Variants in DCC observed in about 807,000 individuals in gnomAD.
DCC encodes DCC netrin 1 receptor.
A neutral mutation model predicts 172.5 loss-of-function variants in DCC; 58 were observed. The observed-to-expected ratio is 0.34, with a 90% CI of 0.27 to 0.42. The LOEUF (loss-of-function observed/expected upper bound fraction) is 0.42, where lower values mean the gene tolerates loss of function less well. Among genes scored for constraint, DCC ranks in the 10% least tolerant of loss-of-function variants. The probability of loss-of-function intolerance (pLI) is 1.00; values close to 1 mark genes in which losing one functional copy is unlikely to be tolerated. For missense variants in DCC, 1,740 were observed against 1,791.0 expected (o/e 0.97, Z 0.51); for synonymous variants, 709 against 644.5 (o/e 1.10, Z -1.52).
rs946875456 is a variant in DCC at position 53,155,714 on chromosome 18, T to C, written c.1262-1642T>C. Among the ~76,000 whole-genome samples the C allele has an allele frequency of 3.9e-5, 6 of 152,214 alleles. No homozygotes were observed. The East Asian group carries it at 7.7e-4, about 20-fold the overall frequency. On this transcript the variant is annotated intron_variant, in intron 7 of 28. Coordinates refer to ENST00000442544, the MANE Select transcript of DCC (RefSeq NM_005215.4). ...ATTTTCTATGGTCTTAAAAAATACA[T>C]AAATAAACCACTTCAAATTGTTTCC...
At chr18:52,527,307 C>T (rs774470106) in intron 1 of DCC, among the ~76,000 whole-genome samples, 38 of 152,284 alleles carry the variant, frequency 2.5e-4, no homozygotes, top group Non-Finnish European at 5.0e-4. Flanking sequence ...AAGAAACAAA[C>T]ATAGCCTTTT....
chr18:53,194,543 C>T (rs2055415655), intron 9 of DCC, among the ~76,000 whole-genome samples: 1 of 152,012 alleles, frequency 6.6e-6, no homozygotes, highest in Non-Finnish European at 1.5e-5. Flanking sequence ...AATCTTGGCT[C>T]ACTGCAACCT....
At chr18:52,637,821 C>T (rs184478002) in intron 1 of DCC, among the ~76,000 whole-genome samples, 10 of 152,152 alleles carry the variant, frequency 6.6e-5, no homozygotes, top group Non-Finnish European at 1.2e-4. Context: ...AAAGAACACC[C>T]GAGAAATTCA....
intron 7 of DCC, among the ~76,000 whole-genome samples, chr18:53,140,639 G>A (rs146980929): frequency 2.2e-3 from 329 of 152,112 alleles, no homozygotes; most frequent in African/African-American, 7.7e-3. Flanking sequence ...GAAATATGCC[G>A]AAGTAGGGAC....
intron 1 of DCC, among the ~76,000 whole-genome samples, chr18:52,716,006 T>C (rs1038757676): frequency 3.3e-5 from 5 of 152,038 alleles, no homozygotes; most frequent in African/African-American, 9.7e-5. Context: ...TGCCTCTGTT[T>C]CCTCATCTGT....
At position 53,305,731 on chromosome 18, in the gene DCC, C is replaced by T. The variant is rs772781454; in HGVS notation, c.2053+12C>T. On this transcript the variant is annotated intron_variant, in intron 13 of 28. Coordinates refer to ENST00000442544, the MANE Select transcript of DCC (RefSeq NM_005215.4). Reference sequence around the variant, plus strand: ...GTACCTATTCACAGGTCAGTGTTCACATGGTGTAGTCTTGCAAGGTTTTGA... The same window carrying T: ...GTACCTATTCACAGGTCAGTGTTCATATGGTGTAGTCTTGCAAGGTTTTGA... 5 of 1,613,328 alleles carry T rather than the reference C, an allele frequency of 3.1e-6. No homozygotes were observed. The highest frequency in any genetic ancestry group is 4.2e-6 in the Non-Finnish European group (5 of 1,179,298).
In DCC at chr18:52,927,123, A is replaced by G. The variant is rs1168929303; in HGVS notation, c.985+1753A>G. Among the ~76,000 whole-genome samples the G allele has an allele frequency of 1.1e-4, 10 of 93,552 alleles. 4 individuals carry two copies. Among genetic ancestry groups the G allele is most frequent in the Non-Finnish European group, 2.4e-4 (10 of 40,818 alleles). 61.4% of individuals were successfully genotyped at this position (93,552 alleles called of 152,430 possible). A position where few individuals can be genotyped will look rare whatever the true frequency, so the allele number is the denominator to read the frequency against. ...TGTATATACACGTATATACGTGTATATACACGTATATACGTGTATATATGT... is the reference window on the plus strand; with the variant it reads ...TGTATATACACGTATATACGTGTATGTACACGTATATACGTGTATATATGT... On this transcript the variant is annotated intron_variant, in intron 5 of 28. Coordinates refer to ENST00000442544, the MANE Select transcript of DCC (RefSeq NM_005215.4).
intron 1 of DCC, among the ~76,000 whole-genome samples, chr18:52,673,600 CT>C (rs2035594350): frequency 2.0e-5 from 3 of 152,264 alleles, no homozygotes; most frequent in African/African-American, 7.2e-5. Flanking sequence ...TTTTTCCCTC[CT>C]TTTTTCTTGG....
chr18:52,607,447 T>C (rs1334840114), intron 1 of DCC, among the ~76,000 whole-genome samples: 1 of 152,052 alleles, frequency 6.6e-6, no homozygotes, highest in African/African-American at 2.4e-5. Context: ...AGTCTAAAGG[T>C]AATGAGCAAA....
At chr18:52,845,962 G>C (rs2038880826) in intron 2 of DCC, among the ~76,000 whole-genome samples, 2 of 152,194 alleles carry the variant, frequency 1.3e-5, no homozygotes. Context: ...TGTGTACATG[G>C]AGCTTCAGTG....
At chr18:53,238,483 G>C (rs957446229) in intron 12 of DCC, among the ~76,000 whole-genome samples, 1 of 152,044 alleles carries the variant, frequency 6.6e-6, no homozygotes, top group Non-Finnish European at 1.5e-5. Flanking sequence ...AAGAAACAAA[G>C]AATCAGAGAT....
intron 7 of DCC, among the ~76,000 whole-genome samples, chr18:53,101,196 G>A (rs758164784): frequency 2.0e-4 from 31 of 152,068 alleles, no homozygotes; most frequent in Admixed American, 3.9e-4. Context: ...GCCCAAGGTC[G>A]ATTGTGAACA....
intron 12 of DCC, among the ~76,000 whole-genome samples, chr18:53,228,860 G>T (rs980597360): frequency 3.9e-5 from 6 of 152,058 alleles, no homozygotes; most frequent in African/African-American, 1.4e-4. Context: ...CACTCTTCTA[G>T]TGCATTATTA....
intron 5 of DCC, among the ~76,000 whole-genome samples, chr18:52,980,007 CCT>C (rs1440349189): frequency 7.8e-6 from 1 of 127,422 alleles, no homozygotes; most frequent in Non-Finnish European, 1.9e-5. Context: ...GCACTTATCC[CCT>C]GAGACATAGG....
At chr18:52,995,895 G>T (rs1466581442) in intron 5 of DCC, among the ~76,000 whole-genome samples, 5 of 150,852 alleles carry the variant, frequency 3.3e-5, no homozygotes, top group Non-Finnish European at 1.5e-5. Flanking sequence ...TTTTGTTTCT[G>T]TCTCCTGCTT....
chr18:52,838,697 T>G lies in DCC; in HGVS notation c.413-67347T>G, dbSNP rs150628169. ...TCATGTTCTTTAAACTAAAAGAACTTGGAGAAATGGTTGCAACAGCATGTG... is the reference window on the plus strand; with the variant it reads ...TCATGTTCTTTAAACTAAAAGAACTGGGAGAAATGGTTGCAACAGCATGTG... On this transcript the variant is annotated intron_variant, in intron 2 of 28. Transcript: ENST00000442544. Among the ~76,000 whole-genome samples the G allele has an allele frequency of 6.5e-3, 989 of 152,310 alleles. 5 individuals carry two copies. The highest frequency in any genetic ancestry group is 0.01 in the Non-Finnish European group (712 of 68,014).
chr18:53,055,670 A>T (rs1339360300), intron 5 of DCC, among the ~76,000 whole-genome samples: 1 of 152,146 alleles, frequency 6.6e-6, no homozygotes, highest in Non-Finnish European at 1.5e-5. Context: ...TGGAGAATCA[A>T]ATGCAAATCT....
chr18:53,478,894 T>C (rs1457828127), intron 25 of DCC, among the ~76,000 whole-genome samples: 1 of 152,210 alleles, frequency 6.6e-6, no homozygotes, highest in Non-Finnish European at 1.5e-5. Context: ...CAAATGGACA[T>C]TGAGAGGGAC....
chr18:52,342,303 ACG>A (rs1209394838), intron 1 of DCC, among the ~76,000 whole-genome samples: 2 of 145,596 alleles, frequency 1.4e-5, no homozygotes, highest in African/African-American at 2.5e-5. Context: ...GTGTGTGTGC[ACG>A]CGCGCTGTCC....
Sources: allele counts gnomAD v4.1 joint callset (sites outside exome capture counted in the v4.1 genomes callset), GRCh38; gene constraint gnomAD v4.1.1; transcripts MANE v1.5; gene names NCBI Gene and HGNC (gene_info 2026-07-23, HGNC 2026-07-21).